The following SLAIN1 variants were observed in gnomAD, a reference collection of about 807,000 sequenced individuals.
The protein encoded by SLAIN1 is SLAIN family member 1.
A neutral mutation model predicts 55.4 loss-of-function variants in SLAIN1; 17 were observed. The ratio of observed to expected loss-of-function variants is 0.31; its 90% CI spans 0.21 to 0.46. The LOEUF is 0.46. Among genes scored for constraint, SLAIN1 ranks in the 20% least tolerant of loss-of-function variants. The probability of loss-of-function intolerance (pLI) is 1.00; values close to 1 mark genes in which losing one functional copy is unlikely to be tolerated. For synonymous variants in SLAIN1, 348 were observed against 337.4 expected (o/e 1.03, Z -0.35); for missense variants, 682 against 785.1 (o/e 0.87, Z 1.57).
intron 6 of SLAIN1, among the ~76,000 whole-genome samples, chr13:77,762,896 CTTTA>C (rs1272367470): frequency 6.6e-6 from 1 of 152,060 alleles, no homozygotes; most frequent in Non-Finnish European, 1.5e-5. Context: ...GTATTGGCCC[CTTTA>C]TTTATGTTGC....
chr13:77,716,059 A>C (rs2091203546), intron 1 of SLAIN1, among the ~76,000 whole-genome samples: 1 of 150,976 alleles, frequency 6.6e-6, no homozygotes, highest in Non-Finnish European at 1.5e-5. Context: ...CAAGTTTTAC[A>C]TTTTTGTCTG....
At chr13:77,751,580 G>A (rs1405129071) in intron 4 of SLAIN1, among the ~76,000 whole-genome samples, 1 of 152,198 alleles carries the variant, frequency 6.6e-6, no homozygotes, top group Non-Finnish European at 1.5e-5. Context: ...TCCAAAGTGA[G>A]GTTGGGTGTC....
chr13:77,701,420 C>G (rs748631692), intron 1 of SLAIN1, among the ~76,000 whole-genome samples: 1 of 152,024 alleles, frequency 6.6e-6, no homozygotes. Flanking sequence ...TCATGACTAA[C>G]AGAACCAATA....
intron 1 of SLAIN1, among the ~76,000 whole-genome samples, chr13:77,714,422 G>A (rs963172307): frequency 6.6e-5 from 10 of 152,060 alleles, no homozygotes; most frequent in African/African-American, 2.2e-4. Flanking sequence ...GACCAGCCTC[G>A]ACAACATAGG....
intron 4 of SLAIN1, among the ~76,000 whole-genome samples, chr13:77,750,104 T>G (rs1323309512): frequency 6.6e-6 from 1 of 152,182 alleles, no homozygotes; most frequent in East Asian, 1.9e-4. Context: ...CATAGAATTT[T>G]CTCAGGAGAT....
chr13:77,723,684 A>G (rs896179372), intron 2 of SLAIN1, among the ~76,000 whole-genome samples: 2 of 152,128 alleles, frequency 1.3e-5, no homozygotes, highest in Non-Finnish European at 2.9e-5. Flanking sequence ...TAACATGAAT[A>G]TTTTAGAATA....
At chr13:77,761,241 T>C (rs1474720652) in intron 6 of SLAIN1, 131 bp downstream of exon 6, 1 of 867,504 alleles carries the variant, frequency 1.2e-6, no homozygotes, top group African/African-American at 1.7e-5. Flanking sequence ...ACTTGTGCTC[T>C]CCTCCCTTTG....
At chr13:77,739,106 G>C (rs1203066903) in intron 2 of SLAIN1, among the ~76,000 whole-genome samples, 1 of 151,960 alleles carries the variant, frequency 6.6e-6, no homozygotes, top group Admixed American at 6.6e-5. Context: ...ACATCATTTA[G>C]TTGGAAACCG....
chr13:77,707,378 G>C (rs959576920), intron 1 of SLAIN1, among the ~76,000 whole-genome samples: 1 of 151,974 alleles, frequency 6.6e-6, no homozygotes, highest in Non-Finnish European at 1.5e-5. Flanking sequence ...GTGTGTGAAT[G>C]TAACATTTTC....
At chr13:77,762,073 AT>A (rs1356642307) in intron 6 of SLAIN1, among the ~76,000 whole-genome samples, 2 of 152,232 alleles carry the variant, frequency 1.3e-5, no homozygotes, top group African/African-American at 4.8e-5. Context: ...TCAACAACAA[AT>A]TTCGAAAAAC....
rs571002430 is a variant in SLAIN1 at position 77,730,640 on chromosome 13, T to C, written c.766+10969T>C. On this transcript the variant is annotated intron_variant, in intron 2 of 6. Transcript: ENST00000418532. ...GTTTAATATATTTGAGTTTTGGAGC[T>C]CTTGTCAATTTGTGAGTTTAATTTT... Among the ~76,000 whole-genome samples, 11 of 152,300 alleles carry C rather than the reference T, an allele frequency of 7.2e-5. No individual in the cohort carries two copies. In the East Asian group the frequency reaches 2.1e-3, roughly 29 times the overall value.
intron 4 of SLAIN1, 71 bp downstream of exon 4, chr13:77,746,926 T>C (rs1873867468): frequency 7.8e-7 from 1 of 1,281,912 alleles, no homozygotes; most frequent in South Asian, 1.5e-5. Flanking sequence ...ATGGTTTTTG[T>C]GTTTTTGTTT....
chr13:77,700,311 G>A (rs2091018326), intron 1 of SLAIN1, among the ~76,000 whole-genome samples: 1 of 152,142 alleles, frequency 6.6e-6, no homozygotes, highest in African/African-American at 2.4e-5. Flanking sequence ...TCTTCAGATG[G>A]TTTGAAGCAA....
chr13:77,751,749 G>A (rs150558912), intron 4 of SLAIN1, among the ~76,000 whole-genome samples: 1 of 152,304 alleles, frequency 6.6e-6, no homozygotes, highest in Non-Finnish European at 1.5e-5. Context: ...GAGGGAGCAG[G>A]GGAGGAATTG....
chr13:77,711,140 G>A (rs563162276), intron 1 of SLAIN1, among the ~76,000 whole-genome samples: 11 of 152,016 alleles, frequency 7.2e-5, no homozygotes, highest in Non-Finnish European at 1.5e-5. Flanking sequence ...AAAGATCTCA[G>A]ATCAACACCC....
intron 2 of SLAIN1, among the ~76,000 whole-genome samples, chr13:77,727,437 C>CAAA (rs34990709): frequency 1.2e-5 from 1 of 84,062 alleles, no homozygotes; most frequent in African/African-American, 3.5e-5. Context: ...TTAAGTTGGG[C>CAAA]AAAAAAAAAA....
chr13:77,761,558 T>C (rs1414128526), intron 6 of SLAIN1, among the ~76,000 whole-genome samples: 1 of 152,194 alleles, frequency 6.6e-6, no homozygotes, highest in Non-Finnish European at 1.5e-5. Flanking sequence ...AGGTAGGATC[T>C]CAAATATTTG....
At chr13:77,759,526 AG>A (rs1874853649) in intron 5 of SLAIN1, among the ~76,000 whole-genome samples, 1 of 152,104 alleles carries the variant, frequency 6.6e-6, no homozygotes, top group Non-Finnish European at 1.5e-5. Context: ...TCCATTTCTC[AG>A]GGGGAATGCT....
At chr13:77,747,740 A>G (rs768264830) in intron 4 of SLAIN1, among the ~76,000 whole-genome samples, 2 of 152,164 alleles carry the variant, frequency 1.3e-5, no homozygotes, top group Non-Finnish European at 2.9e-5. Context: ...GCTTTCCATT[A>G]GCATTTGACA....
Sources: gnomAD v4.1 joint callset for allele counts (sites outside exome capture counted in the v4.1 genomes callset) on GRCh38, gnomAD v4.1.1 for gene constraint, MANE v1.5 for transcripts, NCBI Gene and HGNC (gene_info 2026-07-23, HGNC 2026-07-21) for gene names.